The following CHD9 variants were observed in gnomAD, a reference collection of about 807,000 sequenced individuals.
The protein encoded by CHD9 is chromodomain helicase DNA binding protein 9.
A neutral mutation model predicts 316.1 loss-of-function variants in CHD9; 77 were observed. That is an observed-to-expected ratio of 0.24 (90% CI 0.20 to 0.29). The LOEUF (loss-of-function observed/expected upper bound fraction) is 0.29, where lower values mean the gene tolerates loss of function less well. CHD9 is among the 10% of genes least tolerant of loss of function. CHD9 has a pLI of 1.00. For synonymous variants in CHD9, 1,129 were observed against 1,158.3 expected, an observed-to-expected ratio of 0.97 and a Z score of 0.51; for missense variants, 2,763 against 3,438.1, an observed-to-expected ratio of 0.80 and a Z score of 4.91.
chr16:53,081,999 G>T (rs1395005365), intron 1 of CHD9, among the ~76,000 whole-genome samples: 1 of 152,052 alleles, frequency 6.6e-6, no homozygotes, highest in East Asian at 1.9e-4. Flanking sequence ...GTGTGTGTGA[G>T]AGAGAGAGAA....
intron 35 of CHD9, 122 bp downstream of exon 35, chr16:53,314,638 A>G: frequency 1.0e-6 from 1 of 974,842 alleles, no homozygotes; most frequent in Non-Finnish European, 1.5e-6. Flanking sequence ...AGTATGCCAT[A>G]TAATTTTAGA....
chr16:53,209,021 T>C (rs945680822), intron 2 of CHD9, among the ~76,000 whole-genome samples: 1 of 152,168 alleles, frequency 6.6e-6, no homozygotes, highest in African/African-American at 2.4e-5. Flanking sequence ...GATTTCAGGT[T>C]GTAGTCGTAA....
In CHD9 at chr16:53,292,899, G is replaced by C; in HGVS notation, c.5357G>C (p.Arg1786Thr). The change falls in exon 29 of 39, where the codon AGG becomes ACG. Residue 1786 changes from arginine (R) to threonine (T), a missense_variant. Physicochemically the swap from Arg to Thr is moderately conservative, Grantham distance 71 (BLOSUM62 -1). Transcript: ENST00000447540. ...CAATCAGCTTTAACCACACGTTTGA[G>C]GCGTCTCATCACTGCATACCAGCGT... ...PTQSALTTRL[R>T]RLITAYQRTN... 6.2e-7 allele frequency: 1 copy of C among 1,613,642 alleles called. No homozygotes were observed. The highest frequency in any genetic ancestry group is 8.5e-7 in the Non-Finnish European group (1 of 1,179,848).
chr16:53,262,096 A>G (rs995106807), intron 19 of CHD9, among the ~76,000 whole-genome samples: 8 of 152,130 alleles, frequency 5.3e-5, no homozygotes, highest in African/African-American at 1.9e-4. Context: ...TCTTAAAACC[A>G]TTTACCACTA....
chr16:53,254,512 T>C lies in CHD9; in HGVS notation c.3936T>C (p.Tyr1312=), dbSNP rs1319237478. The change falls in exon 18 of 39, where the codon TAT becomes TAC. Residue 1312 remains tyrosine (Y), a synonymous_variant. Transcript: ENST00000447540. ...KVYRLVTRNS[Y]EREMFDRASL... is the part of the protein sequence containing the mutation. ...ACAGACTGGTAACTCGTAACTCATATGAGAGAGAGATGTTTGACCGAGCCA... is the reference window on the plus strand; with the variant it reads ...ACAGACTGGTAACTCGTAACTCATACGAGAGAGAGATGTTTGACCGAGCCA... 2.5e-6 allele frequency: 4 copies of C among 1,612,956 alleles called. No homozygotes were observed. Among genetic ancestry groups the C allele is most frequent in the Non-Finnish European group, 3.4e-6 (4 of 1,179,376 alleles).
Position 53,307,847 on chromosome 16 carries a change from C to T in CHD9, c.6947C>T (p.Pro2316Leu), listed in dbSNP as rs2056122487. The T allele has an allele frequency of 2.5e-6, 4 of 1,613,778 alleles. No homozygotes were observed. The highest frequency in any genetic ancestry group is 1.1e-5 in the South Asian group (1 of 91,014). ...AATEYSDPSV[P>L]TPPGAGVKEE... ...ACAGAATACAGCGATCCCAGTGTAC[C>T]CACTCCCCCAGGTGCCGGTGTTAAA... Residue 2316 changes from proline (P) to leucine (L), a missense_variant, in exon 33 of 39, where the codon CCC (proline) becomes CTC (leucine). Physicochemically the swap from Pro to Leu is moderately conservative, Grantham distance 98 (BLOSUM62 -3). Around this residue, in one of 15 missense-constraint regions of CHD9, gnomAD observed 663 missense variants for 751.2 expected, o/e 0.88. Coordinates refer to ENST00000447540, the MANE Select transcript of CHD9 (RefSeq NM_001308319.2).
At chr16:53,090,313 T>A (rs928397725) in intron 1 of CHD9, among the ~76,000 whole-genome samples, 2 of 152,220 alleles carry the variant, frequency 1.3e-5, no homozygotes, top group African/African-American at 4.8e-5. Context: ...AGGATGGGGC[T>A]GAGCTGATCA....
At chr16:53,252,440 A>G (rs1175518027) in intron 17 of CHD9, among the ~76,000 whole-genome samples, 1 of 152,226 alleles carries the variant, frequency 6.6e-6, no homozygotes, top group East Asian at 1.9e-4. Context: ...ACCTGAAACT[A>G]TAAAAATTCT....
intron 2 of CHD9, among the ~76,000 whole-genome samples, chr16:53,166,696 A>G (rs768891744): frequency 2.6e-5 from 4 of 152,190 alleles, no homozygotes; most frequent in Non-Finnish European, 5.9e-5. Context: ...TTTTAATACA[A>G]TATGGTGTGG....
At chr16:53,111,091 A>G (rs1401043015) in intron 1 of CHD9, among the ~76,000 whole-genome samples, 1 of 152,162 alleles carries the variant, frequency 6.6e-6, no homozygotes, top group African/African-American at 2.4e-5. Context: ...GAAAATGCTG[A>G]AGTGAGACTC....
At chr16:53,078,106 A>G (rs2034707435) in intron 1 of CHD9, among the ~76,000 whole-genome samples, 1 of 152,182 alleles carries the variant, frequency 6.6e-6, no homozygotes, top group Non-Finnish European at 1.5e-5. Context: ...ATATATATAT[A>G]CAATGCATTT....
At chr16:53,094,923 G>A (rs1376068677) in intron 1 of CHD9, among the ~76,000 whole-genome samples, 6 of 152,194 alleles carry the variant, frequency 3.9e-5, no homozygotes, top group Non-Finnish European at 7.4e-5. Flanking sequence ...ACAGGCGTGA[G>A]CCACCGCGCC....
At chr16:53,268,471 G>A (rs12933421) in intron 22 of CHD9, among the ~76,000 whole-genome samples, 66,793 of 151,924 alleles carry the variant, frequency 0.44, 15,079 homozygotes, top group South Asian at 0.56. Context: ...GATGATGGGT[G>A]TTTAGGTAGT....
chr16:53,236,840 T>A (rs62049769), intron 11 of CHD9, among the ~76,000 whole-genome samples: 36,380 of 151,922 alleles, frequency 0.24, 4,699 homozygotes, highest in Middle Eastern at 0.32. Context: ...TGACTATTCC[T>A]TTCAATAGTC....
intron 3 of CHD9, among the ~76,000 whole-genome samples, chr16:53,220,641 A>G (rs968422019): frequency 9.9e-5 from 15 of 152,126 alleles, no homozygotes; most frequent in African/African-American, 3.6e-4. Context: ...TTCATTAAAC[A>G]TTTGCTGCCA....
chr16:53,108,583 C>G (rs1186700137), intron 1 of CHD9, among the ~76,000 whole-genome samples: 2 of 151,242 alleles, frequency 1.3e-5, no homozygotes, highest in Non-Finnish European at 3.0e-5. Flanking sequence ...TTATTAAAAC[C>G]TCTGTGTGGG....
intron 1 of CHD9, among the ~76,000 whole-genome samples, chr16:53,150,877 T>C (rs565642352): frequency 2.6e-5 from 4 of 152,278 alleles, no homozygotes; most frequent in African/African-American, 4.8e-5. Flanking sequence ...TGATGAGTCT[T>C]TTTTCTCTTG....
At chr16:53,091,325 G>A (rs1173291784) in intron 1 of CHD9, among the ~76,000 whole-genome samples, 3 of 152,186 alleles carry the variant, frequency 2.0e-5, no homozygotes, top group Non-Finnish European at 4.4e-5. Context: ...TGCTCTCTCT[G>A]CTTCAGTTTC....
chr16:53,167,355 T>A (rs1305179758), intron 2 of CHD9, among the ~76,000 whole-genome samples: 1 of 152,170 alleles, frequency 6.6e-6, no homozygotes, highest in Non-Finnish European at 1.5e-5. Context: ...TCAGTATTTA[T>A]TAGATGTCTG....
Sources: gnomAD v4.1 joint callset for allele counts (sites outside exome capture counted in the v4.1 genomes callset) on GRCh38, gnomAD v4.1.1 for gene constraint, gnomAD v4.1.1 regional missense constraint, MANE v1.5 for transcripts, NCBI Gene and HGNC (gene_info 2026-07-23, HGNC 2026-07-21) for gene names.